Variants in NRXN1 observed in about 807,000 individuals in gnomAD.
NRXN1 encodes the protein neurexin 1, also known as neurexin-1.
A neutral mutation model predicts 150.9 loss-of-function variants in NRXN1; 39 were observed. The ratio of observed to expected loss-of-function variants is 0.26; its 90% CI spans 0.20 to 0.34. NRXN1 has a LOEUF of 0.34. NRXN1 is among the 10% of genes least tolerant of loss of function. The pLI, the probability that NRXN1 is intolerant of heterozygous loss-of-function variation, is 1.00. For missense variants in NRXN1, 1,815 were observed against 1,949.9 expected, an observed-to-expected ratio of 0.93 and a Z score of 1.30; for synonymous variants, 924 against 757.0, an observed-to-expected ratio of 1.22 and a Z score of -3.62.
chr2:50,303,345 A>G (rs1048982665), intron 17 of NRXN1, among the ~76,000 whole-genome samples: 5 of 152,190 alleles, frequency 3.3e-5, no homozygotes, highest in Non-Finnish European at 7.4e-5. Flanking sequence ...TGATAAAACT[A>G]TGGCTATGCT....
At chr2:50,150,619 T>G (rs2058640956) in intron 18 of NRXN1, among the ~76,000 whole-genome samples, 1 of 151,814 alleles carries the variant, frequency 6.6e-6, no homozygotes. Flanking sequence ...TAACAGGTTT[T>G]GTAGAATAAA....
At chr2:50,258,321 T>C (rs993095130) in intron 17 of NRXN1, among the ~76,000 whole-genome samples, 1 of 152,096 alleles carries the variant, frequency 6.6e-6, no homozygotes, top group South Asian at 2.1e-4. Flanking sequence ...ATATTCTACA[T>C]CCATTGTTGT....
rs140317617 is a variant in NRXN1 at position 50,055,866 on chromosome 2, G to A, written c.3719-822C>T. Among the ~76,000 whole-genome samples, 290 of 152,256 alleles carry A rather than the reference G, an allele frequency of 1.9e-3. 2 individuals are homozygous for A. Among genetic ancestry groups the A allele is most frequent in the African/African-American group, 6.7e-3 (280 of 41,564 alleles). On this transcript the variant is annotated intron_variant, in intron 19 of 22. Transcript: ENST00000401669. ...ATGACAGCTTAAGGAACGAATATAA[G>A]CCACAAACAGTGGCCCCTATTCATA...
rs1240700439 is a variant in NRXN1 at position 50,538,318 on chromosome 2, T to C, written c.2078A>G (p.Asp693Gly). The change falls in exon 10 of 23, where the codon GAT (aspartate) becomes GGT (glycine). Residue 693 changes from aspartate (D) to glycine (G), a missense_variant. Physicochemically the swap from Asp to Gly is moderately conservative, Grantham distance 94. Transcript: ENST00000401669. ...NPCKNNGMCR[D>G]GWNRYVCDCS... ...ATCACAGACATATCTGTTCCACCCATCCCTGCACATGCCATTGTTTTTGCA... is the reference window on the plus strand; with the variant it reads ...ATCACAGACATATCTGTTCCACCCACCCCTGCACATGCCATTGTTTTTGCA... The C allele has an allele frequency of 6.2e-7, 1 of 1,613,822 alleles. No homozygotes were observed. Among genetic ancestry groups the C allele is most frequent in the Non-Finnish European group, 8.5e-7 (1 of 1,179,864 alleles).
intron 16 of NRXN1, among the ~76,000 whole-genome samples, chr2:50,471,756 G>A (rs576459760): frequency 2.6e-5 from 4 of 151,814 alleles, no homozygotes; most frequent in African/African-American, 7.2e-5. Context: ...AGGATGGAGA[G>A]GATCAGGAAA....
chr2:50,319,776 A>G (rs764098631), intron 17 of NRXN1, among the ~76,000 whole-genome samples: 1 of 152,014 alleles, frequency 6.6e-6, no homozygotes, highest in Non-Finnish European at 1.5e-5. Context: ...GCATCCTGTC[A>G]AAGAAGCTGT....
chr2:50,554,544 A>G (rs1454664516), intron 8 of NRXN1: 3 of 152,200 alleles, frequency 2.0e-5, no homozygotes, highest in African/African-American at 7.2e-5. Flanking sequence ...AAGAAAATAC[A>G]CATAAGTGGG....
chr2:50,051,240 C>G (rs1692664673), intron 21 of NRXN1, among the ~76,000 whole-genome samples: 1 of 151,822 alleles, frequency 6.6e-6, no homozygotes, highest in East Asian at 1.9e-4. Flanking sequence ...CTGTTTTGTA[C>G]TTAAAAATAA....
chr2:50,929,901 T>A (rs1279625929), intron 2 of NRXN1, among the ~76,000 whole-genome samples: 2 of 151,930 alleles, frequency 1.3e-5, no homozygotes, highest in African/African-American at 4.8e-5. Flanking sequence ...CACTGGGAAA[T>A]GGAGGAAATC....
At chr2:50,115,375 G>A (rs13411605) in intron 18 of NRXN1, among the ~76,000 whole-genome samples, 15 of 151,586 alleles carry the variant, frequency 9.9e-5, no homozygotes, top group Non-Finnish European at 7.4e-5. Context: ...CCGAGATTAC[G>A]TAATACCAAC....
intron 12 of NRXN1, among the ~76,000 whole-genome samples, chr2:50,519,850 C>T (rs2092736713): frequency 6.6e-6 from 1 of 151,812 alleles, no homozygotes; most frequent in South Asian, 2.1e-4. Context: ...TATTTTTCCT[C>T]CCTATTATAT....
chr2:50,500,243 G>A (rs965789019), intron 13 of NRXN1, among the ~76,000 whole-genome samples: 2 of 152,112 alleles, frequency 1.3e-5, no homozygotes, highest in South Asian at 4.2e-4. Context: ...AAATAAGACA[G>A]TATATCTGTT....
At chr2:50,562,303 GATTA>G (rs1265658654) in intron 8 of NRXN1, among the ~76,000 whole-genome samples, 1 of 151,140 alleles carries the variant, frequency 6.6e-6, no homozygotes, top group African/African-American at 2.4e-5. Context: ...ATTATAGATA[GATTA>G]GACAAATATA....
chr2:50,072,964 T>C (rs1696526032), intron 19 of NRXN1, among the ~76,000 whole-genome samples: 1 of 152,172 alleles, frequency 6.6e-6, no homozygotes, highest in Non-Finnish European at 1.5e-5. Flanking sequence ...AACTTCAAAA[T>C]ATTTTTGGCC....
At chr2:50,950,737 A>C (rs1219899184) in intron 2 of NRXN1, among the ~76,000 whole-genome samples, 1 of 152,236 alleles carries the variant, frequency 6.6e-6, no homozygotes. Flanking sequence ...GGTAATAATA[A>C]GCAGTCACAC....
intron 2 of NRXN1, among the ~76,000 whole-genome samples, chr2:51,004,664 TAAAC>T (rs61710205): frequency 0.12 from 18,897 of 151,722 alleles, 1,298 homozygotes; most frequent in Non-Finnish European, 0.15. Context: ...AATAAACAAA[TAAAC>T]AAACATTTGC....
intron 2 of NRXN1, among the ~76,000 whole-genome samples, chr2:50,961,264 A>G (rs1427927413): frequency 6.6e-6 from 1 of 151,904 alleles, no homozygotes; most frequent in Admixed American, 6.6e-5. Context: ...AAATCTTGTT[A>G]AAATGTAGAT....
chr2:50,883,660 GT>G (rs1679794228), intron 5 of NRXN1, among the ~76,000 whole-genome samples: 1 of 151,660 alleles, frequency 6.6e-6, no homozygotes, highest in African/African-American at 2.4e-5. Context: ...TATATTATGT[GT>G]AAAAACATAT....
chr2:50,740,356 C>T (rs1403950067), intron 5 of NRXN1, among the ~76,000 whole-genome samples: 9 of 152,304 alleles, frequency 5.9e-5, no homozygotes, highest in Admixed American at 4.6e-4. Flanking sequence ...CCTAGTTTAT[C>T]TAAGGATGCA....
Sources: allele counts gnomAD v4.1 joint callset (sites outside exome capture counted in the v4.1 genomes callset), GRCh38; gene constraint gnomAD v4.1.1; transcripts MANE v1.5; gene names NCBI Gene and HGNC (gene_info 2026-07-23, HGNC 2026-07-21).